PUM3: variants seen among roughly 807,000 people sequenced by gnomAD.
PUM3 encodes pumilio RNA binding family member 3.
A neutral mutation model predicts 84.0 loss-of-function variants in PUM3; 91 were observed. The observed-to-expected ratio is 1.08, with a 90% CI of 0.91 to 1.29. PUM3 has a LOEUF of 1.29. Among genes scored for constraint, PUM3 ranks in the 50% most tolerant of loss-of-function variants. The pLI, the probability that PUM3 is intolerant of heterozygous loss-of-function variation, is 0.00. For missense variants in PUM3, 1,067 were observed against 767.5 expected, an observed-to-expected ratio of 1.39 and a Z score of -4.61; for synonymous variants, 321 against 266.7, an observed-to-expected ratio of 1.20 and a Z score of -1.98.
At chr9:2,839,216 G>C (rs578016515) in intron 1 of PUM3, among the ~76,000 whole-genome samples, 1 of 152,292 alleles carries the variant, frequency 6.6e-6, no homozygotes, top group East Asian at 1.9e-4. Flanking sequence ...ACCTACCCAA[G>C]GTCCCTGAAA....
At chr9:2,836,005 G>A (rs1175507702) in intron 3 of PUM3, among the ~76,000 whole-genome samples, 1 of 152,102 alleles carries the variant, frequency 6.6e-6, no homozygotes, top group Non-Finnish European at 1.5e-5. Flanking sequence ...GTAGAAAAGA[G>A]AGCTGGAAGA....
At chr9:2,824,910 G>C in intron 10 of PUM3, 95 bp from the exon 11 acceptor site, 1 of 708,380 alleles carries the variant, frequency 1.4e-6, no homozygotes, top group Non-Finnish European at 2.0e-6. Flanking sequence ...TATGCAGAGA[G>C]AAGGAAAGGA....
intron 16 of PUM3, among the ~76,000 whole-genome samples, chr9:2,809,671 T>C (rs1462183929): frequency 6.6e-6 from 1 of 152,196 alleles, no homozygotes; most frequent in Non-Finnish European, 1.5e-5. Flanking sequence ...ATCTCTCCAG[T>C]GGTTTAAATA....
chr9:2,827,850 A>C (rs1449510755), intron 9 of PUM3, among the ~76,000 whole-genome samples: 1 of 152,162 alleles, frequency 6.6e-6, no homozygotes, highest in Non-Finnish European at 1.5e-5. Context: ...CCAATTTTAC[A>C]AATATGGTAA....
At chr9:2,817,754 A>G (rs1821500957) in intron 13 of PUM3, among the ~76,000 whole-genome samples, 1 of 152,188 alleles carries the variant, frequency 6.6e-6, no homozygotes, top group African/African-American at 2.4e-5. Flanking sequence ...GTATTTGTCA[A>G]GTTTTATTTC....
rs1816187059 is a variant in PUM3, at chr9:2,838,463, C to G, written c.45G>C (p.Lys15Asn). The change falls in exon 2 of 18, where the codon AAG becomes AAC. Residue 15 changes from lysine to asparagine, a missense_variant. Coordinates refer to ENST00000397885, the MANE Select transcript of PUM3 (RefSeq NM_014878.5). ...GKKQFTGKST[K>N]TAQEKNRFHK... is the part of the protein sequence containing the mutation. ...GAAATCTGTTTTTTTCTTGTGCTGT[C>G]TTTGTACTCTTTCCTGTGAATTGCT... is the stretch of plus-strand genomic sequence containing the variant. 2 of 1,613,370 alleles carry G rather than the reference C, an allele frequency of 1.2e-6. No homozygotes were observed. Among genetic ancestry groups the G allele is most frequent in the Non-Finnish European group, 1.7e-6 (2 of 1,179,582 alleles).
intron 13 of PUM3, among the ~76,000 whole-genome samples, chr9:2,813,401 T>C (rs538350131): frequency 6.6e-6 from 1 of 152,322 alleles, no homozygotes; most frequent in South Asian, 2.1e-4. Context: ...TCAATGCATG[T>C]TTGAGCACCC....
intron 14 of PUM3, 35 bp downstream of exon 14, chr9:2,812,185 G>A: frequency 1.3e-6 from 2 of 1,587,654 alleles, no homozygotes; most frequent in Non-Finnish European, 1.7e-6. Context: ...ATTAACAGAG[G>A]AATAAAGAAG....
intron 9 of PUM3, among the ~76,000 whole-genome samples, chr9:2,827,522 A>C (rs1349123138): frequency 6.6e-6 from 1 of 152,170 alleles, no homozygotes; most frequent in Non-Finnish European, 1.5e-5. Flanking sequence ...TAGTTGTTTT[A>C]TTTCTGTTAA....
chr9:2,812,296 G>T lies in PUM3; in HGVS notation c.1336C>A (p.Leu446Ile). 6.2e-7 allele frequency: 1 copy of T among 1,606,950 alleles called. No homozygotes were observed. The highest frequency in any genetic ancestry group is 8.5e-7 in the Non-Finnish European group (1 of 1,173,528). The change falls in exon 14 of 18, where the codon CTA (leucine) becomes ATA (isoleucine). Residue 446 changes from leucine (L) to isoleucine (I), a missense_variant. Transcript: ENST00000397885. Reference protein sequence around the residue: ...KYGRKVLLYLLSPRDPAHTVR... With the variant: ...KYGRKVLLYLISPRDPAHTVR... The stretch of plus-strand genomic sequence containing the variant: ...GTATGTGCAGGATCTCTGGGGCTTA[G>T]TAAGTACAATAGGACCTTCCTTCCA...
chr9:2,804,543 CTT>C, intron 17 of PUM3, 80 bp from the exon 18 acceptor site: 1 of 1,321,896 alleles, frequency 7.6e-7, no homozygotes, highest in Non-Finnish European at 1.0e-6. Context: ...GTAAAAAAGA[CTT>C]TGTTAACTGT....
At chr9:2,820,651 G>A (rs1821570703) in intron 12 of PUM3, among the ~76,000 whole-genome samples, 1 of 151,724 alleles carries the variant, frequency 6.6e-6, no homozygotes, top group Non-Finnish European at 1.5e-5. Flanking sequence ...TTTCTATATT[G>A]CTCAATTTCT....
chr9:2,826,719 T>C (rs955551628), intron 10 of PUM3, among the ~76,000 whole-genome samples: 1 of 152,180 alleles, frequency 6.6e-6, no homozygotes, highest in Non-Finnish European at 1.5e-5. Context: ...AATGCCAAGC[T>C]AATTTTTTTT....
chr9:2,842,956 C>T (rs971438505), intron 1 of PUM3, among the ~76,000 whole-genome samples: 1 of 152,180 alleles, frequency 6.6e-6, no homozygotes, highest in South Asian at 2.1e-4. Context: ...TTCCTCTCTA[C>T]TCTGCCACGC....
intron 16 of PUM3, 102 bp from the exon 17 acceptor site, chr9:2,808,006 A>G (rs1184560699): frequency 2.8e-6 from 2 of 707,852 alleles, no homozygotes; most frequent in African/African-American, 1.8e-5. Context: ...TTAAACAAAA[A>G]AGCTAACAAA....
At chr9:2,811,337 G>A in intron 15 of PUM3, 24 bp downstream of exon 15, 1 of 1,608,060 alleles carries the variant, frequency 6.2e-7, no homozygotes, top group Non-Finnish European at 8.5e-7. Context: ...CAGCTTTCCT[G>A]CCTGTGCTTT....
chr9:2,841,469 G>A (rs1770622164), intron 1 of PUM3, among the ~76,000 whole-genome samples: 1 of 152,168 alleles, frequency 6.6e-6, no homozygotes, highest in South Asian at 2.1e-4. Flanking sequence ...TCAGGGGGCT[G>A]AGGCAGGAAA....
At chr9:2,830,450 C>T (rs1259183211) in intron 7 of PUM3, among the ~76,000 whole-genome samples, 1 of 152,212 alleles carries the variant, frequency 6.6e-6, no homozygotes, top group Non-Finnish European at 1.5e-5. Flanking sequence ...TTCTAACCCA[C>T]TGACCCTCTA....
intron 16 of PUM3, among the ~76,000 whole-genome samples, chr9:2,809,818 C>T (rs563535093): frequency 6.6e-6 from 1 of 152,260 alleles, no homozygotes; most frequent in African/African-American, 2.4e-5. Context: ...TACAAAAAAC[C>T]AGAAAGCGCC....
Sources: allele counts gnomAD v4.1 joint callset (sites outside exome capture counted in the v4.1 genomes callset), GRCh38; gene constraint gnomAD v4.1.1; transcripts MANE v1.5; gene names NCBI Gene and HGNC (gene_info 2026-07-23, HGNC 2026-07-21).